GPR158: variants seen among roughly 807,000 people sequenced by gnomAD.
The protein encoded by GPR158 is metabotropic glycine receptor.
In GPR158, 30 loss-of-function variants were observed where a neutral mutation model predicts 78.2. The observed-to-expected ratio is 0.38, with a 90% CI of 0.29 to 0.52. The LOEUF (loss-of-function observed/expected upper bound fraction) is 0.52, where lower values mean the gene tolerates loss of function less well. Among genes scored for constraint, GPR158 ranks in the 20% least tolerant of loss-of-function variants. GPR158 has a pLI of 0.83. For synonymous variants in GPR158, 581 were observed against 591.1 expected (o/e 0.98, Z 0.25); for missense variants, 1,463 against 1,523.5 (o/e 0.96, Z 0.66).
chr10:25,386,121 T>G (rs1436077582), intron 2 of GPR158, among the ~76,000 whole-genome samples: 1 of 152,198 alleles, frequency 6.6e-6, no homozygotes, highest in African/African-American at 2.4e-5. Context: ...ATCATATTGA[T>G]TAAGTTTTGT....
At chr10:25,380,413 G>A (rs1013128325) in intron 2 of GPR158, among the ~76,000 whole-genome samples, 4 of 152,050 alleles carry the variant, frequency 2.6e-5, no homozygotes, top group African/African-American at 9.7e-5. Flanking sequence ...CACACAATTT[G>A]CATTTGCTTC....
chr10:25,423,028 T>C (rs1279362327), intron 4 of GPR158, among the ~76,000 whole-genome samples: 2 of 151,966 alleles, frequency 1.3e-5, no homozygotes, highest in East Asian at 1.9e-4. Context: ...GCGAATGCCA[T>C]TGTTTTACAT....
intron 1 of GPR158, among the ~76,000 whole-genome samples, chr10:25,215,107 G>C (rs1853190173): frequency 2.6e-5 from 4 of 152,138 alleles, no homozygotes; most frequent in Admixed American, 2.6e-4. Context: ...AAGGGGGAAG[G>C]AACTCAGTGG....
intron 4 of GPR158, among the ~76,000 whole-genome samples, chr10:25,421,922 G>A (rs527627801): frequency 1.3e-5 from 2 of 152,162 alleles, no homozygotes; most frequent in South Asian, 4.1e-4. Context: ...TAAGGAAATT[G>A]TGGGGACTTT....
chr10:25,251,160 T>G lies in GPR158; in HGVS notation c.1008+30003T>G, dbSNP rs990719836. 1.1e-4 allele frequency among the ~76,000 whole-genome samples: 16 copies of G among 152,336 alleles called. No homozygotes were observed. The East Asian group carries it at 1.5e-3, about 15-fold the overall frequency. On this transcript the variant is annotated intron_variant, in intron 2 of 10. Transcript: ENST00000376351. ...CCCCTGCCTTTTTTTGTTTTCCATT[T>G]GCTTGGTAGATGTTCCTCCATCCTT...
At chr10:25,336,771 A>G (rs1220733377) in intron 2 of GPR158, among the ~76,000 whole-genome samples, 1 of 152,086 alleles carries the variant, frequency 6.6e-6, no homozygotes, top group Non-Finnish European at 1.5e-5. Context: ...TGAAGATGGT[A>G]AAAGAGTGAG....
chr10:25,489,267 A>T (rs1835773035), intron 5 of GPR158, among the ~76,000 whole-genome samples: 2 of 152,178 alleles, frequency 1.3e-5, no homozygotes, highest in Non-Finnish European at 2.9e-5. Flanking sequence ...CTTCACATTT[A>T]AAACTGTATA....
At chr10:25,486,247 T>G (rs942036311) in intron 5 of GPR158, among the ~76,000 whole-genome samples, 59 of 152,250 alleles carry the variant, frequency 3.9e-4, no homozygotes, top group African/African-American at 1.4e-3. Flanking sequence ...ACTTTGACCT[T>G]CTTCATTCTT....
At chr10:25,297,000 T>G (rs532906791) in intron 2 of GPR158, among the ~76,000 whole-genome samples, 1 of 152,356 alleles carries the variant, frequency 6.6e-6, no homozygotes, top group South Asian at 2.1e-4. Flanking sequence ...AAATTCTTCC[T>G]TTGGCATATT....
At chr10:25,339,848 G>A (rs1474956055) in intron 2 of GPR158, among the ~76,000 whole-genome samples, 1 of 152,090 alleles carries the variant, frequency 6.6e-6, no homozygotes, top group African/African-American at 2.4e-5. Flanking sequence ...TGTATTTCTG[G>A]AATGAACCCA....
chr10:25,471,704 G>C (rs1384439279), intron 5 of GPR158, among the ~76,000 whole-genome samples: 4 of 152,162 alleles, frequency 2.6e-5, no homozygotes, highest in African/African-American at 4.8e-5. Flanking sequence ...GCATTTCTCT[G>C]ATGGCCAGTG....
At chr10:25,271,703 C>T (rs2130743541) in intron 2 of GPR158, among the ~76,000 whole-genome samples, 1 of 152,244 alleles carries the variant, frequency 6.6e-6, no homozygotes, top group Admixed American at 6.5e-5. Context: ...TTCTTGTTGG[C>T]CAAGGTGGAA....
chr10:25,553,821 C>G (rs1836755057), intron 6 of GPR158, among the ~76,000 whole-genome samples: 1 of 152,136 alleles, frequency 6.6e-6, no homozygotes, highest in African/African-American at 2.4e-5. Flanking sequence ...AACTTCAATT[C>G]TGCCATTACT....
chr10:25,414,768 C>T (rs1297526933), intron 4 of GPR158, among the ~76,000 whole-genome samples: 1 of 152,062 alleles, frequency 6.6e-6, no homozygotes, highest in Non-Finnish European at 1.5e-5. Context: ...ATTACATTCT[C>T]TACTTATTGA....
intron 2 of GPR158, among the ~76,000 whole-genome samples, chr10:25,316,193 T>C (rs67106165): frequency 0.2 from 30,690 of 152,018 alleles, 5,225 homozygotes; most frequent in African/African-American, 0.47. Flanking sequence ...ATAATTCCAA[T>C]AGGATATGTT....
intron 4 of GPR158, among the ~76,000 whole-genome samples, chr10:25,418,832 C>G (rs1306393482): frequency 7.5e-6 from 1 of 133,050 alleles, no homozygotes. Flanking sequence ...GAAGAAAAGA[C>G]TGATTTTTAA....
At chr10:25,510,799 T>A (rs1836074958) in intron 5 of GPR158, among the ~76,000 whole-genome samples, 1 of 152,186 alleles carries the variant, frequency 6.6e-6, no homozygotes, top group Admixed American at 6.5e-5. Flanking sequence ...CATACAATGG[T>A]TGGTTTCCCA....
intron 2 of GPR158, among the ~76,000 whole-genome samples, chr10:25,380,373 A>G (rs1426199336): frequency 1.3e-5 from 2 of 152,192 alleles, no homozygotes; most frequent in Non-Finnish European, 2.9e-5. Flanking sequence ...TCTGCGTTTT[A>G]TAAAACTGAA....
chr10:25,398,829 G>A (rs140580834), intron 3 of GPR158, among the ~76,000 whole-genome samples: 36 of 152,224 alleles, frequency 2.4e-4, no homozygotes, highest in Non-Finnish European at 4.4e-4. Context: ...ACTTAGCCAA[G>A]ACCAACCTTC....
Sources: allele counts gnomAD v4.1 joint callset (sites outside exome capture counted in the v4.1 genomes callset), GRCh38; gene constraint gnomAD v4.1.1; transcripts MANE v1.5; gene names NCBI Gene and HGNC (gene_info 2026-07-23, HGNC 2026-07-21).